Variants in AFAP1 observed in about 807,000 individuals in gnomAD.
AFAP1 encodes the protein actin filament-associated protein 1.
AFAP1 carries 75 observed loss-of-function variants against 93.9 expected under a neutral mutation model. The ratio of observed to expected loss-of-function variants is 0.80; its 90% CI spans 0.66 to 0.97. AFAP1 has a LOEUF of 0.97. Among genes scored for constraint, AFAP1 ranks in the 50% least tolerant of loss-of-function variants. AFAP1 has a pLI of 0.00. For missense variants in AFAP1, 1,201 were observed against 1,050.8 expected, an observed-to-expected ratio of 1.14 and a Z score of -1.98; for synonymous variants, 517 against 430.7, an observed-to-expected ratio of 1.20 and a Z score of -2.48.
intron 4 of AFAP1, among the ~76,000 whole-genome samples, chr4:7,853,421 G>A (rs181310600): frequency 2.0e-5 from 3 of 152,264 alleles, no homozygotes; most frequent in East Asian, 1.9e-4. Context: ...AGGTGGACGC[G>A]GGGACAGGGA....
At chr4:7,832,599 A>T (rs190691485) in intron 6 of AFAP1, among the ~76,000 whole-genome samples, 11 of 152,096 alleles carry the variant, frequency 7.2e-5, no homozygotes, top group Middle Eastern at 3.4e-3. Flanking sequence ...TTCCTGATGA[A>T]GACAATTAGA....
intron 1 of AFAP1, among the ~76,000 whole-genome samples, chr4:7,902,750 G>A (rs1412990344): frequency 6.6e-6 from 1 of 152,178 alleles, no homozygotes; most frequent in Non-Finnish European, 1.5e-5. Flanking sequence ...CAGTAAGGCA[G>A]GGAGTGCAGT....
chr4:7,856,356 C>A (rs990127510), intron 3 of AFAP1, among the ~76,000 whole-genome samples: 1 of 152,042 alleles, frequency 6.6e-6, no homozygotes, highest in Non-Finnish European at 1.5e-5. Context: ...CATTCTCCTG[C>A]CTCAGCCTCC....
At chr4:7,785,641 T>G (rs1215240577) in intron 12 of AFAP1, among the ~76,000 whole-genome samples, 2 of 152,210 alleles carry the variant, frequency 1.3e-5, no homozygotes, top group Non-Finnish European at 2.9e-5. Context: ...ATTTAATTAG[T>G]GACAGCGACA....
At chr4:7,812,689 G>A (rs66702755) in intron 8 of AFAP1, among the ~76,000 whole-genome samples, 16,789 of 152,204 alleles carry the variant, frequency 0.11, 1,006 homozygotes, top group South Asian at 0.14. Flanking sequence ...ACTGGCGCAC[G>A]CCACTGGAGC....
At chr4:7,877,113 T>C (rs1717555456) in intron 1 of AFAP1, among the ~76,000 whole-genome samples, 1 of 152,170 alleles carries the variant, frequency 6.6e-6, no homozygotes, top group South Asian at 2.1e-4. Context: ...TGGGTTTTTG[T>C]GGGGTTTTTT....
In AFAP1 at chr4:7,762,795, A is replaced by C. The variant is rs1008776151; in HGVS notation, c.*970T>G. ...GGTGTTATAGTTCCATGAGCGAACAAATTCCGGAACTTGCTTCCCTTTCAA... is the reference window on the plus strand; with the variant it reads ...GGTGTTATAGTTCCATGAGCGAACACATTCCGGAACTTGCTTCCCTTTCAA... On this transcript the variant is annotated 3_prime_UTR_variant, in exon 18 of 18. Coordinates refer to ENST00000420658, the MANE Select transcript of AFAP1 (RefSeq NM_001134647.2). 6.6e-6 allele frequency: 1 copy of C among 152,192 alleles called. No individual in the cohort carries two copies. Among genetic ancestry groups the C allele is most frequent in the Non-Finnish European group, 1.5e-5 (1 of 68,052 alleles). The allele number at this position is 152,192 out of a possible 1,614,324, so 9.4% of individuals were successfully genotyped here. A position where few individuals can be genotyped will look rare whatever the true frequency, so the allele number is the denominator to read the frequency against.
intron 8 of AFAP1, 116 bp downstream of exon 8, chr4:7,815,902 C>A (rs767137337): frequency 6.8e-6 from 6 of 877,924 alleles, no homozygotes; most frequent in African/African-American, 3.4e-5. Flanking sequence ...GATATCTACA[C>A]ATCTGAATCA....
At chr4:7,848,051 G>GGACA (rs1374069622) in intron 4 of AFAP1, among the ~76,000 whole-genome samples, 1 of 151,200 alleles carries the variant, frequency 6.6e-6, no homozygotes, top group Non-Finnish European at 1.5e-5. Flanking sequence ...ATGGATGGAT[G>GGACA]GACAGGTGGA....
At chr4:7,938,212 C>T (rs1041858083) in intron 1 of AFAP1, among the ~76,000 whole-genome samples, 4 of 151,664 alleles carry the variant, frequency 2.6e-5, no homozygotes, top group African/African-American at 9.7e-5. Flanking sequence ...GCAAAAGGGC[C>T]CGCATGACAC....
chr4:7,863,975 ATTCCCAACTTCCCATCACAACACC>A, intron 3 of AFAP1, among the ~76,000 whole-genome samples: 1 of 18,558 alleles, frequency 5.4e-5, no homozygotes, highest in African/African-American at 1.8e-4. Context: ...ATCACAACCC[ATTCCCAACTTCCCATCACAACACC>A]TTCCCAACTT....
chr4:7,764,528 C>T (rs569916446), intron 17 of AFAP1, among the ~76,000 whole-genome samples: 1 of 104,074 alleles, frequency 9.6e-6, no homozygotes, highest in South Asian at 2.7e-4. Context: ...GAACTGTAGA[C>T]TTAAAAATGC....
intron 12 of AFAP1, among the ~76,000 whole-genome samples, chr4:7,783,416 A>G (rs1716967554): frequency 6.6e-6 from 1 of 152,222 alleles, no homozygotes; most frequent in African/African-American, 2.4e-5. Context: ...CTGGGATTAC[A>G]GGCCTGAGCC....
chr4:7,779,089 G>A, intron 13 of AFAP1: 1 of 559,838 alleles, frequency 1.8e-6, no homozygotes, highest in Non-Finnish European at 3.2e-6. Flanking sequence ...TACGGCAGAG[G>A]CTCTGTAGGA....
intron 1 of AFAP1, among the ~76,000 whole-genome samples, chr4:7,924,737 C>G (rs1720636783): frequency 6.6e-6 from 1 of 152,122 alleles, no homozygotes; most frequent in Admixed American, 6.5e-5. Flanking sequence ...ACACCAACCC[C>G]CTATCTACAG....
intron 1 of AFAP1, among the ~76,000 whole-genome samples, chr4:7,905,461 A>G (rs1399927356): frequency 6.6e-6 from 1 of 152,258 alleles, no homozygotes; most frequent in Non-Finnish European, 1.5e-5. Context: ...AATTAAATTC[A>G]TCTGTCACAA....
chr4:7,824,722 A>T (rs1721278816), intron 6 of AFAP1, among the ~76,000 whole-genome samples: 1 of 152,220 alleles, frequency 6.6e-6, no homozygotes, highest in South Asian at 2.1e-4. Flanking sequence ...GAGAGTGGAG[A>T]ATGACAGCAA....
chr4:7,823,416 A>G (rs1361870518), intron 6 of AFAP1, among the ~76,000 whole-genome samples: 1 of 152,022 alleles, frequency 6.6e-6, no homozygotes, highest in Non-Finnish European at 1.5e-5. Flanking sequence ...GGTTTCTAAA[A>G]TCCTCAAGAG....
chr4:7,909,495 T>C (rs2891925), intron 1 of AFAP1, among the ~76,000 whole-genome samples: 1 of 152,146 alleles, frequency 6.6e-6, no homozygotes, highest in South Asian at 2.1e-4. Flanking sequence ...ACTGTCAAAT[T>C]ATTGTTTCAT....
Sources: allele counts gnomAD v4.1 joint callset (sites outside exome capture counted in the v4.1 genomes callset), GRCh38; gene constraint gnomAD v4.1.1; transcripts MANE v1.5; gene names NCBI Gene and HGNC (gene_info 2026-07-23, HGNC 2026-07-21).